PDE1C: variants seen among roughly 807,000 people sequenced by gnomAD.
PDE1C encodes phosphodiesterase 1C.
A neutral mutation model predicts 93.1 loss-of-function variants in PDE1C; 62 were observed. The observed-to-expected ratio is 0.67, with a 90% CI of 0.54 to 0.82. PDE1C has a LOEUF of 0.82. Ranked by LOEUF, PDE1C falls within the 40% of genes least tolerant of loss-of-function variation. PDE1C has a pLI of 0.00. For synonymous variants in PDE1C, 325 were observed against 310.1 expected, an observed-to-expected ratio of 1.05 and a Z score of -0.50; for missense variants, 742 against 884.6, an observed-to-expected ratio of 0.84 and a Z score of 2.04.
rs117613186 is a variant in PDE1C at position 31,869,393 on chromosome 7, A to T, written c.609+3899T>A. On this transcript the variant is annotated intron_variant, in intron 6 of 17. Coordinates refer to ENST00000396191, the MANE Select transcript of PDE1C (RefSeq NM_001191057.4). Reference sequence around the variant, plus strand: ...TATAAGAAACTCTTTTCACCTGTAAAGACACATGTAGACTGAAAAGAAAAA... The same window carrying T: ...TATAAGAAACTCTTTTCACCTGTAATGACACATGTAGACTGAAAAGAAAAA... Among the ~76,000 whole-genome samples, 536 of 152,206 alleles carry T rather than the reference A, an allele frequency of 3.5e-3. 2 individuals carry two copies. The highest frequency in any genetic ancestry group is 0.012 in the African/African-American group (486 of 41,562).
At chr7:31,835,552 G>GCGTGCA (rs1291615888) in intron 11 of PDE1C, among the ~76,000 whole-genome samples, 1 of 151,824 alleles carries the variant, frequency 6.6e-6, no homozygotes, top group East Asian at 1.9e-4. Flanking sequence ...GTGTGTGTGT[G>GCGTGCA]TGTGCGTGCA....
chr7:31,815,274 C>T (rs987866084), intron 15 of PDE1C, among the ~76,000 whole-genome samples: 2 of 152,100 alleles, frequency 1.3e-5, no homozygotes, highest in African/African-American at 4.8e-5. Flanking sequence ...CTTCTTGTGG[C>T]CTTTCCATTT....
Position 31,849,767 on chromosome 7 carries a change from A to C in PDE1C, c.851+874T>G, listed in dbSNP as rs1286497761. On this transcript the variant is annotated intron_variant, in intron 8 of 17. Transcript: ENST00000396191. ...CCTAGCTCCTTTTGATTACTATGTCAAGGATAATGAACTAACTCTACTGTC... is the reference window on the plus strand; with the variant it reads ...CCTAGCTCCTTTTGATTACTATGTCCAGGATAATGAACTAACTCTACTGTC... Among the ~76,000 whole-genome samples the C allele has an allele frequency of 3.3e-5, 5 of 152,214 alleles. No homozygotes were observed. In the East Asian group the frequency reaches 9.7e-4, roughly 29 times the overall value.
upstream of PDE1C, among the ~76,000 whole-genome samples, chr7:32,071,589 G>A (rs531905903): frequency 6.6e-6 from 1 of 151,148 alleles, no homozygotes; most frequent in East Asian, 2.0e-4. Context: ...AATATCACAC[G>A]CTACTCAAGA....
At chr7:31,820,998 A>C (rs1788897645) in intron 14 of PDE1C, 1 of 151,946 alleles carries the variant, frequency 6.6e-6, no homozygotes, top group Non-Finnish European at 1.5e-5. Context: ...AAAAAAAAAA[A>C]AAAAACCTTG....
chr7:31,890,852 C>T (rs1425464397), intron 2 of PDE1C, among the ~76,000 whole-genome samples: 1 of 152,148 alleles, frequency 6.6e-6, no homozygotes, highest in Non-Finnish European at 1.5e-5. Context: ...TGAGAAACCT[C>T]TAAGGTGACC....
the PDE1C span, among the ~76,000 whole-genome samples, chr7:31,693,906 T>A: frequency 3.9e-5 from 6 of 152,212 alleles, no homozygotes; most frequent in Non-Finnish European, 8.8e-5. Context: ...CTTATTCATA[T>A]CTGTAGATCT....
intron 3 of PDE1C, among the ~76,000 whole-genome samples, chr7:32,099,586 A>C (rs1407917212): frequency 6.6e-6 from 1 of 152,114 alleles, no homozygotes; most frequent in Non-Finnish European, 1.5e-5. Context: ...CTAATTAAAA[A>C]CCCAACAAAC....
At chr7:31,895,238 G>A (rs185065860) in intron 2 of PDE1C, among the ~76,000 whole-genome samples, 59 of 152,228 alleles carry the variant, frequency 3.9e-4, no homozygotes, top group Admixed American at 3.6e-3. Context: ...AGGGACAGAG[G>A]GTCAGGGATC....
chr7:31,853,575 T>G (rs1223734266), intron 7 of PDE1C, among the ~76,000 whole-genome samples: 1 of 152,122 alleles, frequency 6.6e-6, no homozygotes, highest in Non-Finnish European at 1.5e-5. Flanking sequence ...GAGCGAGGAA[T>G]GTAAACCAGA....
chr7:32,322,080 A>G (rs114766948), intron 1 of PDE1C, among the ~76,000 whole-genome samples: 247 of 152,290 alleles, frequency 1.6e-3, no homozygotes, highest in African/African-American at 5.5e-3. Flanking sequence ...TATGTATATT[A>G]ATTTATTTAG....
rs139361621 is a variant in PDE1C, at chr7:31,864,299, T to C, written c.750+643A>G. 5.7e-3 allele frequency among the ~76,000 whole-genome samples: 864 copies of C among 152,264 alleles called. 7 individuals carry two copies. Among genetic ancestry groups the C allele is most frequent in the Non-Finnish European group, 9.2e-3 (628 of 68,016 alleles). On this transcript the variant is annotated intron_variant, in intron 7 of 17. Transcript: ENST00000396191. ...TGAGCCCAGGAGTTCGAGGCTGCAG[T>C]GAGCTATGATCTCACCATTGCACTC...
At chr7:31,689,893 C>G in the PDE1C span, among the ~76,000 whole-genome samples, 9 of 152,202 alleles carry the variant, frequency 5.9e-5, no homozygotes, top group Non-Finnish European at 1.0e-4. Context: ...CTCTCAGCCC[C>G]TTAGCAAACA....
chr7:32,308,817 C>T (rs1283332211), intron 1 of PDE1C, among the ~76,000 whole-genome samples: 2 of 151,902 alleles, frequency 1.3e-5, no homozygotes, highest in Non-Finnish European at 2.9e-5. Context: ...AGCAGAAAAA[C>T]TGGAAACTCT....
At chr7:31,809,156 G>A (rs779393020) in intron 15 of PDE1C, 48 bp from the exon 16 acceptor site, 1 of 1,038,812 alleles carries the variant, frequency 9.6e-7, no homozygotes, top group Admixed American at 1.7e-5. Context: ...AGCTGAGGGG[G>A]TTGTTATAAA....
intron 2 of PDE1C, among the ~76,000 whole-genome samples, chr7:32,196,843 CA>C (rs1007301110): frequency 6.6e-6 from 1 of 152,114 alleles, no homozygotes; most frequent in Admixed American, 6.5e-5. Context: ...TAGTCAGGAT[CA>C]GTGGAATTTG....
the PDE1C span, among the ~76,000 whole-genome samples, chr7:31,714,485 C>T: frequency 6.6e-6 from 1 of 152,192 alleles, no homozygotes; most frequent in Non-Finnish European, 1.5e-5. Flanking sequence ...TACCCAGTTC[C>T]AAAGTCACTT....
chr7:32,188,723 T>C (rs537296726), intron 2 of PDE1C, among the ~76,000 whole-genome samples: 11 of 152,136 alleles, frequency 7.2e-5, no homozygotes, highest in Non-Finnish European at 1.5e-4. Flanking sequence ...TTTAGGATGG[T>C]ATTTTCTTTC....
intron 6 of PDE1C, among the ~76,000 whole-genome samples, chr7:31,872,688 G>A (rs144078339): frequency 1.2e-4 from 19 of 152,202 alleles, no homozygotes; most frequent in African/African-American, 4.3e-4. Flanking sequence ...GTTGGCAGAT[G>A]ACTACATCAA....
Sources: allele counts gnomAD v4.1 joint callset (sites outside exome capture counted in the v4.1 genomes callset), GRCh38; gene constraint gnomAD v4.1.1; transcripts MANE v1.5; gene names NCBI Gene and HGNC (gene_info 2026-07-23, HGNC 2026-07-21).